The following HS3ST2 variants were observed in gnomAD, a reference collection of about 807,000 sequenced individuals.
HS3ST2 encodes heparan sulfate-glucosamine 3-sulfotransferase 2, also known as heparan sulfate glucosamine 3-O-sulfotransferase 2.
A neutral mutation model predicts 26.3 loss-of-function variants in HS3ST2; 17 were observed. The ratio of observed to expected loss-of-function variants is 0.65; its 90% CI spans 0.44 to 0.97. The LOEUF (loss-of-function observed/expected upper bound fraction) is 0.97. Among genes scored for constraint, HS3ST2 ranks in the 50% least tolerant of loss-of-function variants. The pLI, the probability that HS3ST2 is intolerant of heterozygous loss-of-function variation, is 0.00. For synonymous variants in HS3ST2, 237 were observed against 219.2 expected (o/e 1.08, Z -0.72); for missense variants, 402 against 501.2 (o/e 0.80, Z 1.89).
intron 1 of HS3ST2, among the ~76,000 whole-genome samples, chr16:22,853,103 A>T (rs1901540200): frequency 1.3e-5 from 2 of 152,144 alleles, no homozygotes; most frequent in African/African-American, 4.8e-5. Context: ...AGCTTGATAA[A>T]TTTTTACATC....
At chr16:22,821,001 C>A (rs1303180090) in intron 1 of HS3ST2, among the ~76,000 whole-genome samples, 1 of 152,162 alleles carries the variant, frequency 6.6e-6, no homozygotes, top group East Asian at 1.9e-4. Flanking sequence ...CCAGCCTAAC[C>A]TGGACTCTCT....
At chr16:22,846,600 G>A (rs144183839) in intron 1 of HS3ST2, among the ~76,000 whole-genome samples, 6 of 152,270 alleles carry the variant, frequency 3.9e-5, no homozygotes, top group East Asian at 3.9e-4. Flanking sequence ...ATTTCACACC[G>A]ATTAGACTGG....
chr16:22,831,493 G>A (rs1346636124), intron 1 of HS3ST2, among the ~76,000 whole-genome samples: 1 of 152,058 alleles, frequency 6.6e-6, no homozygotes, highest in Non-Finnish European at 1.5e-5. Context: ...AGTATTTTTA[G>A]GTCTCCTTCC....
At chr16:22,902,498 A>G (rs1167726594) in intron 1 of HS3ST2, among the ~76,000 whole-genome samples, 1 of 152,212 alleles carries the variant, frequency 6.6e-6, no homozygotes, top group African/African-American at 2.4e-5. Flanking sequence ...CCTCATGTCA[A>G]CTGCAAATAC....
intron 1 of HS3ST2, among the ~76,000 whole-genome samples, chr16:22,894,413 G>C (rs1454574422): frequency 6.6e-6 from 1 of 152,158 alleles, no homozygotes; most frequent in Non-Finnish European, 1.5e-5. Context: ...CCTCTTTCTA[G>C]AGACCTCTAA....
At chr16:22,868,405 CAAAAAAAAAAA>C (rs77630354) in intron 1 of HS3ST2, among the ~76,000 whole-genome samples, 105 of 43,512 alleles carry the variant, frequency 2.4e-3, no homozygotes, top group African/African-American at 7.7e-3. Flanking sequence ...AAGACTCCAT[CAAAAAAAAAAA>C]AAAAAAAAAA....
intron 1 of HS3ST2, among the ~76,000 whole-genome samples, chr16:22,837,271 G>C (rs544179859): frequency 6.6e-6 from 1 of 151,860 alleles, no homozygotes; most frequent in Admixed American, 6.6e-5. Flanking sequence ...GTGAAGTAGG[G>C]ATAATAATCA....
At chr16:22,868,883 T>C (rs554188743) in intron 1 of HS3ST2, among the ~76,000 whole-genome samples, 1 of 152,196 alleles carries the variant, frequency 6.6e-6, no homozygotes, top group South Asian at 2.1e-4. Flanking sequence ...TTAGTGTCAG[T>C]AATTAGACAT....
chr16:22,851,584 G>A (rs77695990), intron 1 of HS3ST2, among the ~76,000 whole-genome samples: 4,095 of 152,254 alleles, frequency 0.027, 167 homozygotes, highest in African/African-American at 0.091. Context: ...TCCTGAAGGA[G>A]AGAATCTCAG....
intron 1 of HS3ST2, among the ~76,000 whole-genome samples, chr16:22,873,057 C>G (rs1901859929): frequency 6.6e-6 from 1 of 152,204 alleles, no homozygotes. Flanking sequence ...ATATTTACTA[C>G]TGTATTGGGC....
chr16:22,866,369 C>CATGTGTGTGTGT (rs766137596), intron 1 of HS3ST2, among the ~76,000 whole-genome samples: 1 of 143,744 alleles, frequency 7.0e-6, no homozygotes, highest in African/African-American at 2.6e-5. Context: ...ATATGGTGTG[C>CATGTGTGTGTGT]GTGTGTGTGT....
At chr16:22,877,466 T>C (rs1282386316) in intron 1 of HS3ST2, among the ~76,000 whole-genome samples, 1 of 152,168 alleles carries the variant, frequency 6.6e-6, no homozygotes, top group Non-Finnish European at 1.5e-5. Context: ...TCTAACACAC[T>C]AGGTTGGCCT....
intron 1 of HS3ST2, among the ~76,000 whole-genome samples, chr16:22,832,772 T>C (rs911272171): frequency 6.7e-6 from 1 of 148,744 alleles, no homozygotes; most frequent in African/African-American, 2.5e-5. Context: ...TGAGCCACAG[T>C]GGAAGGGGTA....
intron 1 of HS3ST2, among the ~76,000 whole-genome samples, chr16:22,830,692 C>T (rs1374017308): frequency 1.3e-5 from 2 of 152,198 alleles, no homozygotes; most frequent in African/African-American, 4.8e-5. Context: ...TTTGCCTTGC[C>T]TCTGGGCCAA....
At chr16:22,822,856 GA>G (rs60765964) in intron 1 of HS3ST2, among the ~76,000 whole-genome samples, 5,670 of 112,266 alleles carry the variant, frequency 0.051, 356 homozygotes, top group African/African-American at 0.16. Context: ...CTCCGTCTCA[GA>G]AAAAAAAAAA....
intron 1 of HS3ST2, among the ~76,000 whole-genome samples, chr16:22,879,359 G>A (rs751533725): frequency 2.0e-5 from 3 of 152,196 alleles, no homozygotes; most frequent in African/African-American, 4.8e-5. Context: ...CTGGTATCAC[G>A]AGCCCTCCTG....
At chr16:22,833,974 A>G (rs2052577994) in intron 1 of HS3ST2, among the ~76,000 whole-genome samples, 2 of 152,304 alleles carry the variant, frequency 1.3e-5, no homozygotes, top group South Asian at 2.1e-4. Flanking sequence ...AGTAAAAAAC[A>G]TATTATCTTT....
At position 22,854,639 on chromosome 16, in the gene HS3ST2, C is replaced by CT. The variant is rs35867719; in HGVS notation, c.485+39561dup. 1,222 of 127,356 alleles carry CT rather than the reference C, an allele frequency of 9.6e-3. 15 individuals are homozygous for CT. The highest frequency in any genetic ancestry group is 0.026 in the East Asian group (117 of 4,522). 7.9% of individuals were successfully genotyped at this position (127,356 alleles called of 1,614,324 possible). ...AATTTATCTGTTACTGTATTAAATG[C>CT]TTTTTTTTTTTTTTTTTGAGACAGG... is the stretch of plus-strand genomic sequence containing the variant. On this transcript the variant is annotated intron_variant, in intron 1 of 1. Transcript: ENST00000261374.
chr16:22,817,737 C>T (rs1469711243), intron 1 of HS3ST2, among the ~76,000 whole-genome samples: 1 of 152,176 alleles, frequency 6.6e-6, no homozygotes, highest in East Asian at 1.9e-4. Flanking sequence ...TTGGAGTGGA[C>T]TGTGCTTTCC....
Sources: gnomAD v4.1 joint callset for allele counts (sites outside exome capture counted in the v4.1 genomes callset) on GRCh38, gnomAD v4.1.1 for gene constraint, MANE v1.5 for transcripts, NCBI Gene and HGNC (gene_info 2026-07-23, HGNC 2026-07-21) for gene names.